Variants in DLG2 observed in about 807,000 individuals in gnomAD.
DLG2 encodes discs large MAGUK scaffold protein 2, also known as disks large homolog 2.
Under a neutral mutation model 132.5 loss-of-function variants are expected in DLG2, and 45 were observed. The ratio of observed to expected loss-of-function variants is 0.34; its 90% confidence interval spans 0.27 to 0.44. The LOEUF is 0.44. Ranked by LOEUF, DLG2 falls within the 20% of genes least tolerant of loss-of-function variation. DLG2 has a pLI of 1.00. For missense variants in DLG2, 1,045 were observed against 1,196.9 expected, an observed-to-expected ratio of 0.87 and a Z score of 1.87; for synonymous variants, 424 against 419.6, an observed-to-expected ratio of 1.01 and a Z score of -0.13.
At chr11:84,905,250 C>T (rs1415504216) in intron 6 of DLG2, among the ~76,000 whole-genome samples, 1 of 152,146 alleles carries the variant, frequency 6.6e-6, no homozygotes, top group Non-Finnish European at 1.5e-5. Flanking sequence ...TATCGGTTTA[C>T]ATATCTGTGT....
chr11:84,672,577 T>C (rs2099707059), intron 6 of DLG2, among the ~76,000 whole-genome samples: 1 of 152,096 alleles, frequency 6.6e-6, no homozygotes, highest in South Asian at 2.1e-4. Flanking sequence ...CTGCTAGCAT[T>C]ATAAACATGA....
At chr11:84,308,539 G>A (rs1003519344) in intron 7 of DLG2, among the ~76,000 whole-genome samples, 4 of 152,204 alleles carry the variant, frequency 2.6e-5, no homozygotes, top group African/African-American at 7.2e-5. Context: ...CCAGTCCCCC[G>A]CCGTGCGCCC....
intron 6 of DLG2, among the ~76,000 whole-genome samples, chr11:85,086,932 T>G (rs569294131): frequency 3.3e-5 from 5 of 152,360 alleles, no homozygotes; most frequent in African/African-American, 1.2e-4. Context: ...ATACGAAAGC[T>G]TAGTACATGT....
chr11:84,128,948 C>G (rs1169242467), intron 9 of DLG2, among the ~76,000 whole-genome samples: 1 of 152,122 alleles, frequency 6.6e-6, no homozygotes, highest in African/African-American at 2.4e-5. Context: ...GTTGTCAACT[C>G]GTTTTCTTAA....
At chr11:83,648,233 A>G (rs1369811637) in intron 18 of DLG2, among the ~76,000 whole-genome samples, 1 of 152,204 alleles carries the variant, frequency 6.6e-6, no homozygotes, top group Non-Finnish European at 1.5e-5. Context: ...TACACACAGT[A>G]CAGAGAGGAA....
At chr11:83,944,087 T>C (rs76563911) in intron 14 of DLG2, among the ~76,000 whole-genome samples, 4,489 of 152,290 alleles carry the variant, frequency 0.029, 126 homozygotes, top group East Asian at 0.15. Context: ...TGACATAAAT[T>C]CTTCCCTCAA....
chr11:85,592,552 A>G (rs1271976678), intron 3 of DLG2, among the ~76,000 whole-genome samples: 1 of 152,232 alleles, frequency 6.6e-6, no homozygotes, highest in Non-Finnish European at 1.5e-5. Flanking sequence ...ACAGAATTCT[A>G]TCCATAGAAT....
chr11:85,508,111 C>A (rs952364589), intron 3 of DLG2, among the ~76,000 whole-genome samples: 1 of 152,076 alleles, frequency 6.6e-6, no homozygotes, highest in African/African-American at 2.4e-5. Flanking sequence ...TTCATCTAAT[C>A]TTCTTTCAAG....
intron 3 of DLG2, among the ~76,000 whole-genome samples, chr11:85,395,008 T>G (rs1440309688): frequency 1.3e-5 from 2 of 152,184 alleles, no homozygotes; most frequent in Non-Finnish European, 2.9e-5. Flanking sequence ...GTACCAGAGA[T>G]CTACCTGTCT....
rs185263670 is a variant in DLG2 at position 84,058,875 on chromosome 11, G to A, written c.919+440C>T. 3.4e-3 allele frequency among the ~76,000 whole-genome samples: 510 copies of A among 151,878 alleles called. 1 individual carries two copies. The highest frequency in any genetic ancestry group is 0.024 in the Middle Eastern group (7 of 292). Reference sequence around the variant, plus strand: ...ATGTAATATTGGGTACAACACATAAGAATATAACCAAACTTTAAACATATC... The same window carrying A: ...ATGTAATATTGGGTACAACACATAAAAATATAACCAAACTTTAAACATATC... On this transcript the variant is annotated intron_variant, in intron 11 of 27. Transcript: ENST00000376104.
At chr11:85,108,624 G>A (rs1274940342) in intron 6 of DLG2, among the ~76,000 whole-genome samples, 1 of 151,874 alleles carries the variant, frequency 6.6e-6, no homozygotes, top group Non-Finnish European at 1.5e-5. Context: ...ATATACCCAA[G>A]TGTTGTCTGC....
chr11:85,251,797 T>C lies in DLG2; in HGVS notation c.186+33423A>G, dbSNP rs564263391. ...TAATTAGTTACAATATCATACAATA[T>C]TTTATGATTTTGTGATATTTGCAGT... On this transcript the variant is annotated intron_variant, in intron 4 of 27. Transcript: ENST00000376104. 3.3e-5 allele frequency among the ~76,000 whole-genome samples: 5 copies of C among 152,262 alleles called. No individual in the cohort carries two copies. In the East Asian group the frequency reaches 9.6e-4, roughly 29 times the overall value.
intron 6 of DLG2, among the ~76,000 whole-genome samples, chr11:85,051,858 C>T (rs540529073): frequency 8.5e-5 from 13 of 152,182 alleles, no homozygotes; most frequent in East Asian, 3.9e-4. Context: ...GCACAAAACA[C>T]GCACCTAGTA....
chr11:83,883,854 A>G (rs536556058), intron 15 of DLG2, among the ~76,000 whole-genome samples: 2 of 152,308 alleles, frequency 1.3e-5, no homozygotes, highest in East Asian at 3.9e-4. Context: ...AAAGAAAATG[A>G]AAAACTGAAT....
At chr11:85,465,077 A>C (rs1462425982) in intron 3 of DLG2, among the ~76,000 whole-genome samples, 1 of 60,018 alleles carries the variant, frequency 1.7e-5, no homozygotes, top group Admixed American at 1.9e-4. Context: ...CTGCCTCAAA[A>C]AAAAAAAAAA....
chr11:85,443,237 C>T (rs550124694), intron 3 of DLG2, among the ~76,000 whole-genome samples: 37 of 152,330 alleles, frequency 2.4e-4, no homozygotes, highest in African/African-American at 7.9e-4. Context: ...CTCCATCAGA[C>T]TGTGAGTCCC....
intron 7 of DLG2, among the ~76,000 whole-genome samples, chr11:84,411,201 T>C (rs746439939): frequency 1.5e-4 from 23 of 152,070 alleles, no homozygotes; most frequent in Non-Finnish European, 2.4e-4. Flanking sequence ...GCAAGAAAAA[T>C]ACATGAAATG....
chr11:84,563,703 G>A (rs924033506), intron 6 of DLG2, among the ~76,000 whole-genome samples: 1 of 152,182 alleles, frequency 6.6e-6, no homozygotes, highest in African/African-American at 2.4e-5. Context: ...TTTAAGTAAA[G>A]CAGTTAAATG....
intron 6 of DLG2, among the ~76,000 whole-genome samples, chr11:84,560,027 T>C (rs1345223403): frequency 6.6e-6 from 1 of 152,138 alleles, no homozygotes; most frequent in Non-Finnish European, 1.5e-5. Context: ...ATAGGTATGC[T>C]GGAGTATCTT....
Sources: gnomAD v4.1 joint callset for allele counts (sites outside exome capture counted in the v4.1 genomes callset) on GRCh38, gnomAD v4.1.1 for gene constraint, MANE v1.5 for transcripts, NCBI Gene and HGNC (gene_info 2026-07-23, HGNC 2026-07-21) for gene names.